Variants in HS6ST3 observed in about 807,000 individuals in gnomAD.
The protein encoded by HS6ST3 is heparan-sulfate 6-O-sulfotransferase 3.
In HS6ST3, 12 loss-of-function variants were observed where a neutral mutation model predicts 36.7. That is an observed-to-expected ratio of 0.33 (90% CI 0.21 to 0.53). The LOEUF (loss-of-function observed/expected upper bound fraction) is 0.53, where lower values mean the gene tolerates loss of function less well. Among genes scored for constraint, HS6ST3 ranks in the 20% least tolerant of loss-of-function variants. The pLI, the probability that HS6ST3 is intolerant of heterozygous loss-of-function variation, is 0.95. For missense variants in HS6ST3, 584 were observed against 640.9 expected, an observed-to-expected ratio of 0.91 and a Z score of 0.96; for synonymous variants, 240 against 257.5, an observed-to-expected ratio of 0.93 and a Z score of 0.65.
chr13:96,232,317 G>A (rs1200908315), intron 1 of HS6ST3, among the ~76,000 whole-genome samples: 1 of 152,136 alleles, frequency 6.6e-6, no homozygotes, highest in African/African-American at 2.4e-5. Context: ...AAGCTTCGCT[G>A]GTTGTGAAAA....
Position 96,747,284 on chromosome 13 carries a change from G to A in HS6ST3, c.708-85206G>A, listed in dbSNP as rs114835231. 6.2e-3 allele frequency among the ~76,000 whole-genome samples: 919 copies of A among 148,444 alleles called. 8 individuals are homozygous for A. Among genetic ancestry groups the A allele is most frequent in the African/African-American group, 0.02 (824 of 40,716 alleles). ...ATGCTTCCTAACAAATGCAGCATAA[G>A]GCTGAAAGAAATATGAAGAAAAAAG... On this transcript the variant is annotated intron_variant, in intron 1 of 1. Coordinates refer to ENST00000376705, the MANE Select transcript of HS6ST3 (RefSeq NM_153456.4).
At chr13:96,272,067 C>T (rs547009468) in intron 1 of HS6ST3, among the ~76,000 whole-genome samples, 51 of 152,088 alleles carry the variant, frequency 3.4e-4, no homozygotes, top group African/African-American at 1.2e-3. Context: ...AAGTCTGTAA[C>T]ACAGCCATTG....
At chr13:96,400,767 T>C (rs1018504296) in intron 1 of HS6ST3, among the ~76,000 whole-genome samples, 12 of 152,154 alleles carry the variant, frequency 7.9e-5, no homozygotes, top group Non-Finnish European at 1.3e-4. Flanking sequence ...GTAAAATACA[T>C]GGTGGTTTGC....
intron 1 of HS6ST3, among the ~76,000 whole-genome samples, chr13:96,820,247 TAAA>T (rs376783950): frequency 6.6e-6 from 1 of 152,206 alleles, no homozygotes; most frequent in South Asian, 2.1e-4. Flanking sequence ...TTTGAAAACT[TAAA>T]AAAGTTAGAC....
intron 1 of HS6ST3, among the ~76,000 whole-genome samples, chr13:96,113,543 A>G (rs2053880237): frequency 6.6e-6 from 1 of 152,254 alleles, no homozygotes; most frequent in Non-Finnish European, 1.5e-5. Flanking sequence ...TCTGTAAGCA[A>G]TGCAAGTAAA....
intron 1 of HS6ST3, among the ~76,000 whole-genome samples, chr13:96,237,944 T>G (rs1352038204): frequency 6.6e-6 from 1 of 152,202 alleles, no homozygotes; most frequent in Non-Finnish European, 1.5e-5. Context: ...GGTTTTTAAC[T>G]CCTCCTACCC....
chr13:96,509,340 G>C (rs1299343630), intron 1 of HS6ST3, among the ~76,000 whole-genome samples: 1 of 151,984 alleles, frequency 6.6e-6, no homozygotes, highest in African/African-American at 2.4e-5. Flanking sequence ...CTCTATGGAA[G>C]TTTCTTAGTT....
intron 1 of HS6ST3, among the ~76,000 whole-genome samples, chr13:96,159,280 G>A (rs372510913): frequency 6.6e-6 from 1 of 152,246 alleles, no homozygotes; most frequent in East Asian, 1.9e-4. Flanking sequence ...GTACGCCCTC[G>A]TTTTCAACTC....
At chr13:96,791,408 C>T (rs528773207) in intron 1 of HS6ST3, among the ~76,000 whole-genome samples, 3 of 151,932 alleles carry the variant, frequency 2.0e-5, no homozygotes, top group Non-Finnish European at 4.4e-5. Flanking sequence ...TGTCTTGTGG[C>T]CACAGCAGAT....
intron 1 of HS6ST3, among the ~76,000 whole-genome samples, chr13:96,677,595 A>C (rs562986277): frequency 3.5e-4 from 54 of 152,292 alleles, no homozygotes; most frequent in Admixed American, 1.6e-3. Flanking sequence ...TTTGAGAAAA[A>C]TTAAAGTGAA....
chr13:96,532,130 C>G (rs545074490), intron 1 of HS6ST3, among the ~76,000 whole-genome samples: 1 of 152,300 alleles, frequency 6.6e-6, no homozygotes, highest in East Asian at 1.9e-4. Flanking sequence ...TGCTGTCACC[C>G]TTTCCTGGGA....
chr13:96,177,911 A>G (rs1230323544), intron 1 of HS6ST3, among the ~76,000 whole-genome samples: 1 of 152,206 alleles, frequency 6.6e-6, no homozygotes, highest in East Asian at 1.9e-4. Flanking sequence ...CAAATAAACA[A>G]TTGTGGTTTT....
intron 1 of HS6ST3, among the ~76,000 whole-genome samples, chr13:96,165,914 T>TA (rs1327865321): frequency 1.5e-4 from 23 of 152,102 alleles, no homozygotes; most frequent in African/African-American, 5.3e-4. Flanking sequence ...GAGATAAAGT[T>TA]AAACAAGCAA....
chr13:96,675,816 C>G (rs971605285), intron 1 of HS6ST3, among the ~76,000 whole-genome samples: 9 of 152,134 alleles, frequency 5.9e-5, no homozygotes, highest in Admixed American at 3.9e-4. Context: ...ATGGTCTCTC[C>G]CTGTGATGTC....
Position 96,335,756 on chromosome 13 carries a change from G to A in HS6ST3, c.707+244187G>A, listed in dbSNP as rs938097589. ...GAGTTGATTTCCTCCGGCCTTCAGG[G>A]TCCTCGTTGATAGGATATTAATGGC... On this transcript the variant is annotated intron_variant, in intron 1 of 1. Coordinates refer to ENST00000376705, the MANE Select transcript of HS6ST3 (RefSeq NM_153456.4). Among the ~76,000 whole-genome samples, 5 of 152,264 alleles carry A rather than the reference G, an allele frequency of 3.3e-5. No homozygotes were observed. In the South Asian group the frequency reaches 1.0e-3, roughly 32 times the overall value.
At chr13:96,732,175 A>G (rs907557067) in intron 1 of HS6ST3, among the ~76,000 whole-genome samples, 4 of 152,112 alleles carry the variant, frequency 2.6e-5, no homozygotes, top group Non-Finnish European at 4.4e-5. Context: ...ACACTTTTTC[A>G]TATACCTTTT....
At chr13:96,219,838 C>A (rs1003542042) in intron 1 of HS6ST3, among the ~76,000 whole-genome samples, 1 of 152,174 alleles carries the variant, frequency 6.6e-6, no homozygotes, top group African/African-American at 2.4e-5. Context: ...CGCGTGCCAC[C>A]ACACCCAGCT....
At chr13:96,316,119 C>CACT (rs1243277543) in intron 1 of HS6ST3, among the ~76,000 whole-genome samples, 1 of 152,010 alleles carries the variant, frequency 6.6e-6, no homozygotes, top group Non-Finnish European at 1.5e-5. Flanking sequence ...ACTTGTGGAC[C>CACT]ACTATAGACG....
In HS6ST3 at chr13:96,194,895, G is replaced by A. The variant is rs981955585; in HGVS notation, c.707+103326G>A. The stretch of plus-strand genomic sequence containing the variant: ...ATTCCCTTTAGCCTTTCTTATAACA[G>A]TTATCTATCATTTCTATTAGGTAAA... On this transcript the variant is annotated intron_variant, in intron 1 of 1. Coordinates refer to ENST00000376705, the MANE Select transcript of HS6ST3 (RefSeq NM_153456.4). Among the ~76,000 whole-genome samples, 6 of 151,898 alleles carry A rather than the reference G, an allele frequency of 4.0e-5. 1 individual carries two copies. The highest frequency in any genetic ancestry group is 1.5e-4 in the African/African-American group (6 of 41,316).
Sources: gnomAD v4.1 joint callset for allele counts (sites outside exome capture counted in the v4.1 genomes callset) on GRCh38, gnomAD v4.1.1 for gene constraint, MANE v1.5 for transcripts, NCBI Gene and HGNC (gene_info 2026-07-23, HGNC 2026-07-21) for gene names.